Variants in MTF2 observed in about 807,000 individuals in gnomAD.
MTF2 encodes metal response element binding transcription factor 2.
In MTF2, 11 loss-of-function variants were observed where a neutral mutation model predicts 79.5. The ratio of observed to expected loss-of-function variants is 0.14; its 90% confidence interval spans 0.09 to 0.23. The LOEUF (loss-of-function observed/expected upper bound fraction) is 0.23. MTF2 is among the 10% of genes least tolerant of loss of function. MTF2 has a pLI of 1.00. For missense variants in MTF2, 486 were observed against 711.2 expected, an observed-to-expected ratio of 0.68 and a Z score of 3.60; for synonymous variants, 208 against 232.8, an observed-to-expected ratio of 0.89 and a Z score of 0.97.
Position 93,134,165 on chromosome 1 carries a change from C to A in MTF2, c.1394C>A (p.Thr465Asn). 1 of 1,612,346 alleles carries A rather than the reference C, an allele frequency of 6.2e-7. No homozygotes were observed. Among genetic ancestry groups the A allele is most frequent in the Non-Finnish European group, 8.5e-7 (1 of 1,178,636 alleles). Residue 465 changes from threonine (T) to asparagine (N), a missense_variant, in exon 14 of 15, where the codon ACT becomes AAT. Thr to Asn is a moderately conservative substitution (Grantham distance 65, BLOSUM62 0). Transcript: ENST00000370298. Reference sequence around the variant, plus strand: ...ACGGGTGCTTCCAGTGCAAAAGAAACTACCTCGTCTAGCATTTCCAGGCAT... The same window carrying A: ...ACGGGTGCTTCCAGTGCAAAAGAAAATACCTCGTCTAGCATTTCCAGGCAT... ...DFTGASSAKE[T>N]TSSSISRHYG...
chr1:93,121,411 T>A (rs1167071867), intron 9 of MTF2: 2 of 871,492 alleles, frequency 2.3e-6, no homozygotes, highest in Non-Finnish European at 2.8e-6. Context: ...AACTAAAAAA[T>A]TTGTTTTATA....
chr1:93,133,851 A>G (rs749760506), intron 12 of MTF2, 43 bp downstream of exon 12: 5 of 1,540,232 alleles, frequency 3.2e-6, no homozygotes, highest in South Asian at 2.3e-5. Flanking sequence ...AGAAGGATGC[A>G]TGAAATAACT....
chr1:93,104,754 C>T (rs1291742590), intron 1 of MTF2, among the ~76,000 whole-genome samples: 1 of 151,694 alleles, frequency 6.6e-6, no homozygotes, highest in African/African-American at 2.4e-5. Flanking sequence ...AAATTAACTC[C>T]TTAAATATAG....
At chr1:93,123,542 A>G (rs1553154563) in intron 9 of MTF2, among the ~76,000 whole-genome samples, 1 of 151,940 alleles carries the variant, frequency 6.6e-6, no homozygotes, top group Non-Finnish European at 1.5e-5. Flanking sequence ...GTTGATTGAG[A>G]TTTTTTATGG....
chr1:93,129,466 GC>G lies in MTF2; in HGVS notation c.1160+19del, dbSNP rs1431979859. 6.8e-7 allele frequency: 1 copy of G among 1,466,726 alleles called. No homozygotes were observed. The highest frequency in any genetic ancestry group is 9.1e-7 in the Non-Finnish European group (1 of 1,095,644). The allele number at this position is 1,466,726 out of a possible 1,614,324, so 90.9% of individuals were successfully genotyped here. A position where few individuals can be genotyped will look rare whatever the true frequency, so the allele number is the denominator to read the frequency against. ...GATTCAAGGTAAAAGTTGATCTGTG[GC>G]TTAGTTTTTCTCTTTAGCTTATTTG... is the stretch of plus-strand genomic sequence containing the variant. On this transcript the variant is annotated intron_variant, in intron 11 of 14. Transcript: ENST00000370298.
intron 8 of MTF2, chr1:93,119,972 C>T (rs1251158605): frequency 6.6e-6 from 1 of 152,402 alleles, no homozygotes; most frequent in African/African-American, 2.4e-5. Flanking sequence ...GCCAGACCCT[C>T]TTTGAATGCA....
chr1:93,123,221 T>G (rs940126546), intron 9 of MTF2, among the ~76,000 whole-genome samples: 5 of 150,152 alleles, frequency 3.3e-5, no homozygotes, highest in African/African-American at 1.2e-4. Flanking sequence ...TTTTTTTTTT[T>G]TTTTTTTTTT....
chr1:93,100,447 G>A (rs1655482763), intron 1 of MTF2, among the ~76,000 whole-genome samples: 1 of 152,114 alleles, frequency 6.6e-6, no homozygotes, highest in African/African-American at 2.4e-5. Flanking sequence ...TGGGACTACA[G>A]GCACCTGCCA....
rs780407825 is a variant in MTF2, at chr1:93,115,054, T to A, written c.449T>A (p.Leu150His). 27 of 1,611,288 alleles carry A rather than the reference T, an allele frequency of 1.7e-5. No individual in the cohort carries two copies. The South Asian group carries it at 2.6e-4, about 16-fold the overall frequency. ...GTGATTGATTCAGATGAAAAATGGC[T>A]CTGTCGGCAGTGTGTTTTTGCAACA... ...SSVIDSDEKWLCRQCVFATTT... is the reference protein window; with the variant it reads ...SSVIDSDEKWHCRQCVFATTT... The change falls in exon 5 of 15, where the codon CTC becomes CAC. Residue 150 changes from leucine to histidine, a missense_variant. Leu to His is a moderately conservative substitution (Grantham distance 99). Coordinates refer to ENST00000370298, the MANE Select transcript of MTF2 (RefSeq NM_007358.4).
chr1:93,097,586 T>C (rs1281064311), intron 1 of MTF2, among the ~76,000 whole-genome samples: 2 of 152,146 alleles, frequency 1.3e-5, no homozygotes, highest in African/African-American at 4.8e-5. Flanking sequence ...CTTCGTGGCC[T>C]GATTTCAGGT....
At chr1:93,127,104 T>G (rs1656729911) in intron 9 of MTF2, 128 bp from the exon 10 acceptor site, 1 of 640,624 alleles carries the variant, frequency 1.6e-6, no homozygotes, top group Non-Finnish European at 2.8e-6. Context: ...GACTTGGAAT[T>G]AGAACTTAGA....
intron 14 of MTF2, 143 bp downstream of exon 14, chr1:93,134,338 G>A (rs899994855): frequency 8.2e-6 from 5 of 607,594 alleles, no homozygotes; most frequent in Non-Finnish European, 1.2e-5. Context: ...TCCATATGTA[G>A]ATCCCAATAG....
chr1:93,126,886 C>T (rs1169539389), intron 9 of MTF2, among the ~76,000 whole-genome samples: 3 of 151,978 alleles, frequency 2.0e-5, no homozygotes, highest in Non-Finnish European at 4.4e-5. Context: ...TATTATTTCC[C>T]TAGGTTAAAG....
At chr1:93,126,339 C>T (rs1656696599) in intron 9 of MTF2, among the ~76,000 whole-genome samples, 1 of 152,030 alleles carries the variant, frequency 6.6e-6, no homozygotes, top group South Asian at 2.1e-4. Flanking sequence ...AGATGACTTA[C>T]AAGTTTTTTC....
At chr1:93,125,324 A>G (rs931418699) in intron 9 of MTF2, among the ~76,000 whole-genome samples, 1 of 98,996 alleles carries the variant, frequency 1.0e-5, no homozygotes, top group Non-Finnish European at 2.3e-5. Flanking sequence ...TTTTTTTTTT[A>G]TGGTTAGCAA....
intron 1 of MTF2, among the ~76,000 whole-genome samples, chr1:93,081,876 G>A (rs1252414233): frequency 6.6e-6 from 1 of 152,142 alleles, no homozygotes; most frequent in Non-Finnish European, 1.5e-5. Flanking sequence ...CAGTAGTAGG[G>A]GTTATTGCAT....
At chr1:93,124,425 T>A (rs1656610267) in intron 9 of MTF2, among the ~76,000 whole-genome samples, 1 of 152,062 alleles carries the variant, frequency 6.6e-6, no homozygotes, top group African/African-American at 2.4e-5. Flanking sequence ...TTCTTAAAGT[T>A]ATTTGAAATC....
At chr1:93,080,315 A>G (rs2101006286) in intron 1 of MTF2, among the ~76,000 whole-genome samples, 1 of 152,320 alleles carries the variant, frequency 6.6e-6, no homozygotes, top group South Asian at 2.1e-4. Context: ...ATTTCTTAAC[A>G]TATTTCGGTA....
At chr1:93,080,362 G>A (rs1472092264) in intron 1 of MTF2, among the ~76,000 whole-genome samples, 1 of 152,142 alleles carries the variant, frequency 6.6e-6, no homozygotes, top group Non-Finnish European at 1.5e-5. Flanking sequence ...ACAATCTGGT[G>A]TCCTTGGTTG....
Sources: gnomAD v4.1 joint callset for allele counts (sites outside exome capture counted in the v4.1 genomes callset) on GRCh38, gnomAD v4.1.1 for gene constraint, MANE v1.5 for transcripts, NCBI Gene and HGNC (gene_info 2026-07-23, HGNC 2026-07-21) for gene names.